Variants in CHST11 observed in about 807,000 individuals in gnomAD.
CHST11 encodes carbohydrate sulfotransferase 11, also known as C4S-1.
A neutral mutation model predicts 30.4 loss-of-function variants in CHST11; 9 were observed. The ratio of observed to expected loss-of-function variants is 0.30; its 90% CI spans 0.18 to 0.52. The LOEUF is 0.52. Among genes scored for constraint, CHST11 ranks in the 20% least tolerant of loss-of-function variants. The probability of loss-of-function intolerance (pLI) is 0.97; values close to 1 mark genes in which losing one functional copy is unlikely to be tolerated. For missense variants in CHST11, 348 were observed against 460.6 expected (o/e 0.76, Z 2.24); for synonymous variants, 152 against 187.8 (o/e 0.81, Z 1.56).
chr12:104,627,989 A>C (rs2039234039), intron 2 of CHST11, among the ~76,000 whole-genome samples: 1 of 152,238 alleles, frequency 6.6e-6, no homozygotes, highest in African/African-American at 2.4e-5. Flanking sequence ...TGACAATGCC[A>C]AGGCCCAAAG....
intron 2 of CHST11, among the ~76,000 whole-genome samples, chr12:104,614,734 G>A (rs540149888): frequency 3.3e-5 from 5 of 151,284 alleles, no homozygotes; most frequent in African/African-American, 9.7e-5. Context: ...TGGTCATCCC[G>A]ACAGAGCAAA....
intron 2 of CHST11, among the ~76,000 whole-genome samples, chr12:104,651,303 A>C (rs2039487386): frequency 6.6e-6 from 1 of 152,226 alleles, no homozygotes; most frequent in African/African-American, 2.4e-5. Flanking sequence ...TGAAAAAGTT[A>C]ATATGAGCCA....
At position 104,475,929 on chromosome 12, in the gene CHST11, C is replaced by T. The variant is rs866644048; in HGVS notation, c.118+18400C>T. On this transcript the variant is annotated intron_variant, in intron 1 of 2. Coordinates refer to ENST00000303694, the MANE Select transcript of CHST11 (RefSeq NM_018413.6). The stretch of plus-strand genomic sequence containing the variant: ...TATATATATGACTTTTTTTTAGAAG[C>T]GGGTCCCTTATATTATATATATTTA... Among the ~76,000 whole-genome samples, 117 of 140,888 alleles carry T rather than the reference C, an allele frequency of 8.3e-4. No individual in the cohort carries two copies. The East Asian group carries it at 0.013, about 16-fold the overall frequency. The allele number at this position is 140,888 out of a possible 152,430, so 92.4% of individuals were successfully genotyped here. A position where few individuals can be genotyped will look rare whatever the true frequency, so the allele number is the denominator to read the frequency against.
At chr12:104,544,974 G>A (rs966814073) in intron 1 of CHST11, among the ~76,000 whole-genome samples, 1 of 152,076 alleles carries the variant, frequency 6.6e-6, no homozygotes, top group African/African-American at 2.4e-5. Context: ...GGTCCACAGG[G>A]CAGCGTCCTT....
At chr12:104,523,680 G>T (rs566662202) in intron 1 of CHST11, among the ~76,000 whole-genome samples, 57 of 152,142 alleles carry the variant, frequency 3.7e-4, no homozygotes, top group Non-Finnish European at 7.6e-4. Flanking sequence ...TTGTAAAACC[G>T]CAGAGCAGCC....
intron 2 of CHST11, among the ~76,000 whole-genome samples, chr12:104,697,272 A>G (rs1487699444): frequency 6.6e-6 from 1 of 152,212 alleles, no homozygotes; most frequent in Non-Finnish European, 1.5e-5. Context: ...ATAACTGGTA[A>G]AACATTATTT....
chr12:104,726,974 C>T lies in CHST11; in HGVS notation c.205-29975C>T, dbSNP rs541099774. On this transcript the variant is annotated intron_variant, in intron 2 of 2. Transcript: ENST00000303694. ...TGCCTGGGACTGGTCACTATCATGA[C>T]AAAGGATGATTATGCCCACCTGGCA... is the stretch of plus-strand genomic sequence containing the variant. Among the ~76,000 whole-genome samples, 3 of 152,298 alleles carry T rather than the reference C, an allele frequency of 2.0e-5. No individual in the cohort carries two copies. In the East Asian group the frequency reaches 5.8e-4, roughly 29 times the overall value.
At chr12:104,629,081 A>G (rs2039246752) in intron 2 of CHST11, among the ~76,000 whole-genome samples, 1 of 152,226 alleles carries the variant, frequency 6.6e-6, no homozygotes, top group Non-Finnish European at 1.5e-5. Context: ...TAAACGATCT[A>G]GAGTTGCAAA....
chr12:104,523,034 A>G (rs998301468), intron 1 of CHST11, among the ~76,000 whole-genome samples: 6 of 152,234 alleles, frequency 3.9e-5, no homozygotes, highest in African/African-American at 1.4e-4. Context: ...TAATAAGAGA[A>G]GCTGTGATGC....
At chr12:104,612,124 C>G (rs1205001965) in intron 2 of CHST11, among the ~76,000 whole-genome samples, 5 of 152,156 alleles carry the variant, frequency 3.3e-5, no homozygotes, top group African/African-American at 4.8e-5. Flanking sequence ...AATTCCCTCA[C>G]ACCCCAGCCT....
intron 1 of CHST11, among the ~76,000 whole-genome samples, chr12:104,519,106 T>TGTGTG (rs1555229567): frequency 2.0e-5 from 2 of 98,696 alleles, no homozygotes; most frequent in Non-Finnish European, 4.1e-5. Flanking sequence ...GTGTGTGTGT[T>TGTGTG]TCTTTCTCCA....
intron 2 of CHST11, among the ~76,000 whole-genome samples, chr12:104,613,132 G>A (rs889766672): frequency 2.6e-5 from 4 of 151,948 alleles, no homozygotes; most frequent in African/African-American, 4.8e-5. Flanking sequence ...GACTGAGGGA[G>A]GTCAGGTTGA....
chr12:104,475,658 T>TTTTTTATATATATA (rs770441229), intron 1 of CHST11, among the ~76,000 whole-genome samples: 3 of 34,172 alleles, frequency 8.8e-5, no homozygotes, highest in African/African-American at 2.0e-4. Context: ...TAAAGCAGCA[T>TTTTTTATATATATA]TATATATATA....
At chr12:104,540,875 G>T (rs1017228586) in intron 1 of CHST11, among the ~76,000 whole-genome samples, 1 of 152,124 alleles carries the variant, frequency 6.6e-6, no homozygotes, top group African/African-American at 2.4e-5. Context: ...AAGTGAAGGG[G>T]TGAGGTAGAA....
intron 2 of CHST11, among the ~76,000 whole-genome samples, chr12:104,724,467 C>T (rs1308197966): frequency 6.6e-6 from 1 of 152,038 alleles, no homozygotes; most frequent in South Asian, 2.1e-4. Flanking sequence ...GTGTATATTT[C>T]ACCACCATTT....
At chr12:104,462,033 G>C (rs1256534536) in intron 1 of CHST11, among the ~76,000 whole-genome samples, 2 of 151,522 alleles carry the variant, frequency 1.3e-5, no homozygotes, top group Admixed American at 1.3e-4. Flanking sequence ...CGGGCGTGGT[G>C]GTGCACGCCT....
intron 1 of CHST11, among the ~76,000 whole-genome samples, chr12:104,512,583 C>G (rs1322388626): frequency 6.6e-6 from 1 of 152,068 alleles, no homozygotes; most frequent in Non-Finnish European, 1.5e-5. Context: ...TTTTAAGTGT[C>G]CTGGTTTGGG....
At chr12:104,507,488 C>T (rs1162531260) in intron 1 of CHST11, among the ~76,000 whole-genome samples, 1 of 152,200 alleles carries the variant, frequency 6.6e-6, no homozygotes, top group East Asian at 1.9e-4. Context: ...TGTTTCTTCC[C>T]TTCTCTGGGC....
At chr12:104,602,451 G>A (rs933268434) in intron 2 of CHST11, among the ~76,000 whole-genome samples, 1 of 152,180 alleles carries the variant, frequency 6.6e-6, no homozygotes, top group Non-Finnish European at 1.5e-5. Context: ...GGGACCTTTT[G>A]CTAAGTGACT....
Sources: gnomAD v4.1 joint callset for allele counts (sites outside exome capture counted in the v4.1 genomes callset) on GRCh38, gnomAD v4.1.1 for gene constraint, MANE v1.5 for transcripts, NCBI Gene and HGNC (gene_info 2026-07-23, HGNC 2026-07-21) for gene names.